The following GAB2 variants were observed in gnomAD, a reference collection of about 807,000 sequenced individuals.
The protein encoded by GAB2 is GRB2 associated binding protein 2.
Under a neutral mutation model 65.5 loss-of-function variants are expected in GAB2, and 26 were observed. That is an observed-to-expected ratio of 0.40 (90% CI 0.29 to 0.55). The LOEUF (loss-of-function observed/expected upper bound fraction) is 0.55, where lower values mean the gene tolerates loss of function less well. GAB2 is among the 20% of genes least tolerant of loss of function. The pLI, the probability that GAB2 is intolerant of heterozygous loss-of-function variation, is 0.53. For synonymous variants in GAB2, 321 were observed against 329.6 expected, an observed-to-expected ratio of 0.97 and a Z score of 0.28; for missense variants, 884 against 875.8, an observed-to-expected ratio of 1.01 and a Z score of -0.12.
chr11:78,300,200 G>A (rs931836643), intron 1 of GAB2, among the ~76,000 whole-genome samples: 1 of 152,032 alleles, frequency 6.6e-6, no homozygotes, highest in African/African-American at 2.4e-5. Flanking sequence ...CACAAAAAAT[G>A]GAATCATGCA....
At chr11:78,405,740 G>A (rs907278262) in intron 1 of GAB2, among the ~76,000 whole-genome samples, 3 of 152,162 alleles carry the variant, frequency 2.0e-5, no homozygotes, top group Non-Finnish European at 4.4e-5. Context: ...TGGAACCCAA[G>A]GAATGACACA....
At chr11:78,380,650 C>T (rs1345242701) in intron 1 of GAB2, among the ~76,000 whole-genome samples, 1 of 152,230 alleles carries the variant, frequency 6.6e-6, no homozygotes, top group Non-Finnish European at 1.5e-5. Flanking sequence ...CCACTACACA[C>T]TGTGAAATTA....
chr11:78,411,285 G>T (rs1028850307), intron 1 of GAB2, among the ~76,000 whole-genome samples: 8 of 152,092 alleles, frequency 5.3e-5, no homozygotes, highest in African/African-American at 1.9e-4. Flanking sequence ...TCCCAAATTG[G>T]TACACAGGAT....
chr11:78,240,767 G>A (rs561862707), intron 3 of GAB2, among the ~76,000 whole-genome samples: 12 of 152,138 alleles, frequency 7.9e-5, no homozygotes, highest in Middle Eastern at 6.8e-3. Flanking sequence ...TGAGGCCAGT[G>A]CTGTGCTCTG....
chr11:78,350,777 C>G (rs929580861), intron 1 of GAB2, among the ~76,000 whole-genome samples: 1 of 152,176 alleles, frequency 6.6e-6, no homozygotes, highest in Non-Finnish European at 1.5e-5. Flanking sequence ...CCTTCACACA[C>G]GTTAAGAATT....
intron 2 of GAB2, among the ~76,000 whole-genome samples, chr11:78,257,815 AT>A (rs534258454): frequency 0.011 from 1,642 of 145,894 alleles, 3 homozygotes; most frequent in Non-Finnish European, 0.015. Context: ...TATTACCTCC[AT>A]TTTTTTTTTT....
rs1864458957 is a variant in GAB2 at position 78,222,158 on chromosome 11, G to A, written c.1605C>T (p.Val535=). The A allele has an allele frequency of 1.2e-6, 2 of 1,613,940 alleles. No individual in the cohort carries two copies. The highest frequency in any genetic ancestry group is 1.7e-6 in the Non-Finnish European group (2 of 1,179,906). ...GTGACTTGAAGGGGAGTTCATCGATGACGGTGTTGTTCCTCAGGTCAAGTG... is the reference window on the plus strand; with the variant it reads ...GTGACTTGAAGGGGAGTTCATCGATAACGGTGTTGTTCCTCAGGTCAAGTG... ...PTPLDLRNNT[V]IDELPFKSPI... is the part of the protein sequence containing the mutation. Residue 535 remains valine, a synonymous_variant, in exon 7 of 10, where the codon GTC becomes GTT. Transcript: ENST00000361507.
At position 78,254,863 on chromosome 11, in the gene GAB2, G is replaced by T. The variant is rs564564810; in HGVS notation, c.377-4463C>A. Among the ~76,000 whole-genome samples the T allele has an allele frequency of 2.0e-5, 3 of 151,848 alleles. No individual in the cohort carries two copies. The South Asian group carries it at 6.2e-4, about 32-fold the overall frequency. On this transcript the variant is annotated intron_variant, in intron 2 of 9. Coordinates refer to ENST00000361507, the MANE Select transcript of GAB2 (RefSeq NM_080491.3). ...GCTCCAGAAAAATTCTTTCAAAGCT[G>T]TTTTGGCACTAAAACTTGCCAAAAT...
chr11:78,339,684 G>C, intron 1 of GAB2, among the ~76,000 whole-genome samples: 1 of 152,184 alleles, frequency 6.6e-6, no homozygotes, highest in East Asian at 1.9e-4. Context: ...GAAAGTGTAA[G>C]ATATGTTCTT....
chr11:78,414,418 A>AG (rs1489491156), intron 1 of GAB2, among the ~76,000 whole-genome samples: 1 of 152,214 alleles, frequency 6.6e-6, no homozygotes, highest in African/African-American at 2.4e-5. Flanking sequence ...GTTAGCCACT[A>AG]GGGGGTAGTC....
At chr11:78,280,985 G>T (rs1866319289) in intron 1 of GAB2, 84 bp from the exon 2 acceptor site, 3 of 1,155,012 alleles carry the variant, frequency 2.6e-6, no homozygotes, top group Admixed American at 2.0e-5. Flanking sequence ...GACAGGTCTT[G>T]CCCTGTTGCC....
chr11:78,389,453 T>A (rs562009924), intron 1 of GAB2, among the ~76,000 whole-genome samples: 1 of 152,230 alleles, frequency 6.6e-6, no homozygotes, highest in Non-Finnish European at 1.5e-5. Context: ...ATTACAGGCA[T>A]GTGCCACCAC....
intron 1 of GAB2, among the ~76,000 whole-genome samples, chr11:78,385,358 G>A (rs1856752769): frequency 6.6e-6 from 1 of 152,208 alleles, no homozygotes; most frequent in South Asian, 2.1e-4. Context: ...TTAAGCACCA[G>A]AGAATTCACA....
At chr11:78,247,923 A>T (rs761518638) in intron 3 of GAB2, among the ~76,000 whole-genome samples, 2 of 152,150 alleles carry the variant, frequency 1.3e-5, no homozygotes, top group Non-Finnish European at 2.9e-5. Flanking sequence ...CCTCATCCAC[A>T]CAAGTGAAAA....
intron 1 of GAB2, among the ~76,000 whole-genome samples, chr11:78,385,605 T>C (rs1856755995): frequency 1.3e-5 from 2 of 152,182 alleles, no homozygotes. Flanking sequence ...CCTTATTAAA[T>C]ACCAGAGAAC....
At chr11:78,283,956 G>T (rs1482132073) in intron 1 of GAB2, among the ~76,000 whole-genome samples, 1 of 151,336 alleles carries the variant, frequency 6.6e-6, no homozygotes, top group Admixed American at 6.6e-5. Flanking sequence ...CCATCGAATT[G>T]CTGTGATTCC....
At chr11:78,236,572 C>T (rs1864987300) in intron 3 of GAB2, among the ~76,000 whole-genome samples, 1 of 152,182 alleles carries the variant, frequency 6.6e-6, no homozygotes, top group African/African-American at 2.4e-5. Context: ...TTCAATATTT[C>T]TCCATTAGGT....
At chr11:78,305,517 T>A (rs1855337519) in intron 1 of GAB2, among the ~76,000 whole-genome samples, 1 of 152,196 alleles carries the variant, frequency 6.6e-6, no homozygotes, top group Non-Finnish European at 1.5e-5. Context: ...GCCTTCTTTG[T>A]AACTTTATAA....
intron 1 of GAB2, among the ~76,000 whole-genome samples, chr11:78,346,221 T>C (rs920134492): frequency 2.0e-5 from 3 of 152,134 alleles, no homozygotes; most frequent in African/African-American, 7.2e-5. Context: ...TTAGCCAAAG[T>C]GAAAGGAATA....
Sources: allele counts gnomAD v4.1 joint callset (sites outside exome capture counted in the v4.1 genomes callset), GRCh38; gene constraint gnomAD v4.1.1; transcripts MANE v1.5; gene names NCBI Gene and HGNC (gene_info 2026-07-23, HGNC 2026-07-21).